The following THEM4 variants were observed in gnomAD, a reference collection of about 807,000 sequenced individuals.
THEM4 encodes thioesterase superfamily member 4.
THEM4 carries 22 observed loss-of-function variants against 25.0 expected under a neutral mutation model. The observed-to-expected ratio is 0.88, with a 90% CI of 0.63 to 1.26. The LOEUF (loss-of-function observed/expected upper bound fraction) is 1.26, where lower values mean the gene tolerates loss of function less well. THEM4 is among the 50% of genes most tolerant of loss of function. The probability of loss-of-function intolerance (pLI) is 0.00; values close to 1 mark genes in which losing one functional copy is unlikely to be tolerated. For synonymous variants in THEM4, 113 were observed against 105.6 expected (o/e 1.07, Z -0.43); for missense variants, 286 against 300.3 (o/e 0.95, Z 0.35).
intron 5 of THEM4, among the ~76,000 whole-genome samples, chr1:151,876,549 G>A (rs1364222863): frequency 6.6e-6 from 1 of 151,440 alleles, no homozygotes; most frequent in African/African-American, 2.4e-5. Context: ...CTGGGTTCAA[G>A]GGAGCCTCCC....
chr1:151,895,071 G>A lies in THEM4; in HGVS notation c.223C>T (p.Arg75Cys), dbSNP rs527741211. 1.1e-5 allele frequency: 18 copies of A among 1,614,098 alleles called. No individual in the cohort carries two copies. In the African/African-American group the frequency reaches 1.6e-4, roughly 14 times the overall value. ...GGTGTACGTTTATATGAAGGCAAAC[G>A]TTTCCAGGAGCCGTCTTCACATTTC... is the stretch of plus-strand genomic sequence containing the variant. ...MKKCEDGSWKRLPSYKRTPTE... is the reference protein window; with the variant it reads ...MKKCEDGSWKCLPSYKRTPTE... The change falls in exon 2 of 6, where the codon CGT becomes TGT. Residue 75 changes from arginine to cysteine, a missense_variant. By Grantham distance (180) the Arg-to-Cys change is radical. Transcript: ENST00000368814.
intron 1 of THEM4, among the ~76,000 whole-genome samples, chr1:151,901,505 A>T (rs1654352082): frequency 6.6e-6 from 1 of 152,222 alleles, no homozygotes; most frequent in South Asian, 2.1e-4. Context: ...CTCAGACCAT[A>T]GTGGAATAAA....
At position 151,909,453 on chromosome 1, in the gene THEM4, C is replaced by A. The variant is rs779567985; in HGVS notation, c.6G>T (p.Leu2=). Residue 2 remains leucine, a synonymous_variant, in exon 1 of 6, where the codon CTG becomes CTT. Transcript: ENST00000368814. ...TGCGGAGGCGCGCGGCGCAGCTCCT[C>A]AGCATGGCTCCGGGCCGCGGGGCCG... The part of the protein sequence containing the change: M[L]RSCAARLRTL... The A allele has an allele frequency of 9.4e-5, 133 of 1,413,300 alleles. No individual in the cohort carries two copies. The highest frequency in any genetic ancestry group is 1.1e-4 in the Non-Finnish European group (122 of 1,093,192). 87.5% of individuals were successfully genotyped at this position (1,413,300 alleles called of 1,614,324 possible). A position where few individuals can be genotyped will look rare whatever the true frequency, so the allele number is the denominator to read the frequency against.
rs184110184 is a variant in THEM4, at chr1:151,884,093, A to G, written c.557+4180T>C. Among the ~76,000 whole-genome samples the G allele has an allele frequency of 3.3e-4, 50 of 150,620 alleles. No homozygotes were observed. The East Asian group carries it at 7.6e-3, about 23-fold the overall frequency. ...CTGTCTCAAAATAATAAATAAATAA[A>G]TAAATAAATAAATAAATAAAGGAAG... is the stretch of plus-strand genomic sequence containing the variant. On this transcript the variant is annotated intron_variant, in intron 4 of 5. Coordinates refer to ENST00000368814, the MANE Select transcript of THEM4 (RefSeq NM_053055.5).
intron 4 of THEM4, among the ~76,000 whole-genome samples, chr1:151,884,088 A>AATAT (rs1420859036): frequency 6.7e-6 from 1 of 149,086 alleles, no homozygotes; most frequent in Non-Finnish European, 1.5e-5. Context: ...ATAATAAATA[A>AATAT]ATAAATAAAT....
intron 1 of THEM4, among the ~76,000 whole-genome samples, chr1:151,898,073 T>C (rs1332767065): frequency 6.6e-6 from 1 of 152,122 alleles, no homozygotes; most frequent in Non-Finnish European, 1.5e-5. Context: ...CAGTTTGAAC[T>C]GGGGAGAAGC....
chr1:151,904,582 G>A (rs1470697434), intron 1 of THEM4, among the ~76,000 whole-genome samples: 1 of 152,212 alleles, frequency 6.6e-6, no homozygotes, highest in Non-Finnish European at 1.5e-5. Flanking sequence ...TCCATCTGGT[G>A]TAACGAATGA....
chr1:151,903,704 T>C (rs1414257830), intron 1 of THEM4, among the ~76,000 whole-genome samples: 1 of 152,252 alleles, frequency 6.6e-6, no homozygotes, highest in African/African-American at 2.4e-5. Flanking sequence ...ATAGTATGTA[T>C]AAGCTTTGGA....
chr1:151,874,703 T>C lies in THEM4; in HGVS notation c.*185A>G. ...GAGTTGTCGATATGCTCGCAGGAAG[T>C]ATTTCTGTGTTAAAAAGTTGAGAAG... On this transcript the variant is annotated 3_prime_UTR_variant, in exon 6 of 6. Coordinates refer to ENST00000368814, the MANE Select transcript of THEM4 (RefSeq NM_053055.5). 1 of 670,556 alleles carries C rather than the reference T, an allele frequency of 1.5e-6. No homozygotes were observed. The highest frequency in any genetic ancestry group is 2.7e-6 in the Non-Finnish European group (1 of 374,550). 41.5% of individuals were successfully genotyped at this position (670,556 alleles called of 1,614,324 possible).
Position 151,873,296 on chromosome 1 carries a change from C to T in THEM4, c.*1592G>A, listed in dbSNP as rs1158093367. On this transcript the variant is annotated 3_prime_UTR_variant, in exon 6 of 6. Transcript: ENST00000368814. ...TGTTCTCCTGCTGCATTCCCCTTGC[C>T]GAGATAGTGAAAACAGTAATCAATA... Among the ~76,000 whole-genome samples the T allele has an allele frequency of 3.3e-5, 5 of 152,106 alleles. No individual in the cohort carries two copies. Among genetic ancestry groups the T allele is most frequent in the Non-Finnish European group, 7.4e-5 (5 of 68,022 alleles).
chr1:151,886,280 T>C (rs1041498828), intron 4 of THEM4, among the ~76,000 whole-genome samples: 1 of 152,216 alleles, frequency 6.6e-6, no homozygotes, highest in Non-Finnish European at 1.5e-5. Context: ...GGATGGTTTA[T>C]TGGGTGGGAC....
In THEM4 at chr1:151,895,107, G is replaced by A. The variant is rs371606786; in HGVS notation, c.187C>T (p.Gln63Ter). The A allele has an allele frequency of 5.0e-6, 8 of 1,613,932 alleles. No homozygotes were observed. The African/African-American group carries it at 1.1e-4, about 22-fold the overall frequency. Residue 63 changes from glutamine to a stop codon, truncating the protein, a stop_gained, in exon 2 of 6, where the codon CAG becomes TAG. Coordinates refer to ENST00000368814, the MANE Select transcript of THEM4 (RefSeq NM_053055.5). LOFTEE classifies it high-confidence loss of function. ...CCGTCTTCACATTTCTTCATAAACT[G>A]GTCAAAGAGCAGTCTTAGGTCCTTG... ...WNKDLRLLFD[Q>*]FMKKCEDGSW... is the part of the protein sequence containing the mutation.
In THEM4 at chr1:151,889,292, T is replaced by C. The variant is rs1293463300; in HGVS notation, c.368A>G (p.Tyr123Cys). 1 of 1,614,128 alleles carries C rather than the reference T, an allele frequency of 6.2e-7. No individual in the cohort carries two copies. The highest frequency in any genetic ancestry group is 8.5e-7 in the Non-Finnish European group (1 of 1,179,988). Residue 123 changes from tyrosine (Y) to cysteine (C), a missense_variant, in exon 3 of 6, where the codon TAC (tyrosine) becomes TGC (cysteine). Tyr to Cys is a radical substitution (Grantham distance 194). Transcript: ENST00000368814. ...CTCAATGTCATTGTAGAACATCACG[T>C]ATTCAAAGCCCAGGCCATCATCAAA... is the stretch of plus-strand genomic sequence containing the variant. ...RSFDDGLGFEYVMFYNDIEKR... is the reference protein window; with the variant it reads ...RSFDDGLGFECVMFYNDIEKR...
intron 4 of THEM4, among the ~76,000 whole-genome samples, chr1:151,879,035 C>T (rs1653751542): frequency 6.7e-6 from 1 of 150,196 alleles, no homozygotes; most frequent in Non-Finnish European, 1.5e-5. Context: ...ACTATTGGGG[C>T]CAAAAAGGAT....
At chr1:151,879,464 A>G (rs1469691838) in intron 4 of THEM4, among the ~76,000 whole-genome samples, 1 of 151,476 alleles carries the variant, frequency 6.6e-6, no homozygotes. Flanking sequence ...TTGGCTTGTA[A>G]GGTTCTGGTT....
rs1393555178 is a variant in THEM4, at chr1:151,909,415, A to G, written c.44T>C (p.Leu15Pro). 1 of 1,489,874 alleles carries G rather than the reference A, an allele frequency of 6.7e-7. No individual in the cohort carries two copies. Among genetic ancestry groups the G allele is most frequent in the African/African-American group, 1.5e-5 (1 of 68,690 alleles). The allele number at this position is 1,489,874 out of a possible 1,614,324, so 92.3% of individuals were successfully genotyped here. A position where few individuals can be genotyped will look rare whatever the true frequency, so the allele number is the denominator to read the frequency against. ...GCGCCGGCCTACTGGCGGCAGGCAC[A>G]GAGCCCCCAGCGTGCGGAGGCGCGC... ...CAARLRTLGA[L>P]CLPPVGRRLP... Residue 15 changes from leucine (L) to proline (P), a missense_variant, in exon 1 of 6, where the codon CTG becomes CCG. Transcript: ENST00000368814.
At chr1:151,895,874 T>C (rs1654211503) in intron 1 of THEM4, among the ~76,000 whole-genome samples, 1 of 152,152 alleles carries the variant, frequency 6.6e-6, no homozygotes, top group Non-Finnish European at 1.5e-5. Flanking sequence ...TCATGAGATC[T>C]GGTTGTTTAA....
intron 2 of THEM4, among the ~76,000 whole-genome samples, chr1:151,893,875 G>T (rs377222404): frequency 4.0e-5 from 6 of 151,304 alleles, no homozygotes; most frequent in South Asian, 4.2e-4. Flanking sequence ...TTTTTTGTAG[G>T]GGGGGAGACA....
At chr1:151,888,844 T>G (rs2101722664) in intron 3 of THEM4, among the ~76,000 whole-genome samples, 1 of 150,960 alleles carries the variant, frequency 6.6e-6, no homozygotes, top group East Asian at 2.0e-4. Context: ...CAAAACAAAC[T>G]ATACATATTC....
Sources: allele counts gnomAD v4.1 joint callset (sites outside exome capture counted in the v4.1 genomes callset), GRCh38; gene constraint gnomAD v4.1.1; transcripts MANE v1.5; gene names NCBI Gene and HGNC (gene_info 2026-07-23, HGNC 2026-07-21).